C9: variants seen among roughly 807,000 people sequenced by gnomAD.
C9 encodes the protein complement component C9.
In C9, 63 loss-of-function variants were observed where a neutral mutation model predicts 65.4. The ratio of observed to expected loss-of-function variants is 0.96; its 90% CI spans 0.79 to 1.19. The LOEUF (loss-of-function observed/expected upper bound fraction) is 1.19, where lower values mean the gene tolerates loss of function less well. Ranked by LOEUF, C9 falls within the 50% of genes most tolerant of loss-of-function variation. The probability of loss-of-function intolerance (pLI) is 0.00; values close to 1 mark genes in which losing one functional copy is unlikely to be tolerated. For missense variants in C9, 744 were observed against 670.1 expected (o/e 1.11, Z -1.22); for synonymous variants, 229 against 227.9 (o/e 1.00, Z -0.04).
intron 4 of C9, among the ~76,000 whole-genome samples, chr5:39,333,883 G>A (rs1327202630): frequency 1.3e-5 from 2 of 152,188 alleles, no homozygotes; most frequent in Non-Finnish European, 2.9e-5. Context: ...TGAGTTGCCG[G>A]GATTGCAGAC....
chr5:39,330,858 A>G (rs990589124), intron 5 of C9, among the ~76,000 whole-genome samples: 2 of 152,250 alleles, frequency 1.3e-5, no homozygotes, highest in Admixed American at 6.5e-5. Context: ...AGACTGATTT[A>G]TGATATTTTC....
In C9 at chr5:39,306,907, GTATT is replaced by G. The variant is rs1332580201; in HGVS notation, c.1241-119_1241-116del. ...TCCTTTTAGTAAAATACAGCCTAAT[GTATT>G]TATTAAATTTTAATTGTAAATATTG... On this transcript the variant is annotated intron_variant, in intron 8 of 10. Coordinates refer to ENST00000263408, the MANE Select transcript of C9 (RefSeq NM_001737.5). 3 of 678,136 alleles carry G rather than the reference GTATT, an allele frequency of 4.4e-6. No homozygotes were observed. The African/African-American group carries it at 5.5e-5, about 12-fold the overall frequency. 42.0% of individuals were successfully genotyped at this position (678,136 alleles called of 1,614,324 possible).
intron 4 of C9, among the ~76,000 whole-genome samples, chr5:39,334,193 A>G (rs1421348642): frequency 4.9e-5 from 7 of 142,266 alleles, no homozygotes; most frequent in African/African-American, 1.9e-4. Flanking sequence ...CCGCCATCCC[A>G]TCTAGGAAGT....
At chr5:39,352,841 T>TG (rs202166836) in intron 1 of C9, among the ~76,000 whole-genome samples, 7,119 of 148,622 alleles carry the variant, frequency 0.048, 267 homozygotes, top group African/African-American at 0.1. Flanking sequence ...TAAGTTTTTT[T>TG]TTTTTTTTTT....
chr5:39,356,260 A>G (rs1176987528), intron 1 of C9, among the ~76,000 whole-genome samples: 1 of 152,220 alleles, frequency 6.6e-6, no homozygotes, highest in African/African-American at 2.4e-5. Context: ...AGTTAGTAGA[A>G]AACTGGGTCT....
intron 9 of C9, among the ~76,000 whole-genome samples, chr5:39,299,031 G>T (rs1753236583): frequency 6.6e-6 from 1 of 151,802 alleles, no homozygotes; most frequent in Admixed American, 6.6e-5. Flanking sequence ...GAATTAAAGG[G>T]AACTTCCTCA....
chr5:39,309,200 A>ATT, intron 7 of C9, among the ~76,000 whole-genome samples: 1 of 152,134 alleles, frequency 6.6e-6, no homozygotes, highest in Non-Finnish European at 1.5e-5. Context: ...TTAAGGGTAA[A>ATT]CATCCCAGAC....
intron 7 of C9, among the ~76,000 whole-genome samples, chr5:39,309,362 G>A (rs1392635149): frequency 1.3e-5 from 2 of 151,994 alleles, no homozygotes; most frequent in Non-Finnish European, 2.9e-5. Context: ...ATGAAATGAG[G>A]TTAATCATGG....
At chr5:39,348,970 A>T (rs557657295) in intron 1 of C9, among the ~76,000 whole-genome samples, 1 of 137,560 alleles carries the variant, frequency 7.3e-6, no homozygotes, top group Non-Finnish European at 1.5e-5. Context: ...GGATTGAGCA[A>T]TGAGAACACT....
chr5:39,310,075 C>CT (rs1303105401), intron 7 of C9, among the ~76,000 whole-genome samples: 1 of 152,114 alleles, frequency 6.6e-6, no homozygotes, highest in Non-Finnish European at 1.5e-5. Flanking sequence ...TTACATTCCA[C>CT]TCCCCCCCGG....
intron 1 of C9, among the ~76,000 whole-genome samples, chr5:39,362,065 G>A (rs835222): frequency 0.41 from 62,701 of 152,042 alleles, 12,927 homozygotes; most frequent in Middle Eastern, 0.51. Flanking sequence ...ATGTATACCT[G>A]TTTAATGTTC....
rs1270285264 is a variant in C9, at chr5:39,311,359, C to G, written c.889G>C (p.Val297Leu). ...SSKKEKMFLH[V>L]KGEIHLGRFV... ...CTTCCCAGATGAATTTCTCCTTTCACATGCAGAAACATTTTTTCCTGTGTT... is the reference window on the plus strand; with the variant it reads ...CTTCCCAGATGAATTTCTCCTTTCAGATGCAGAAACATTTTTTCCTGTGTT... The change falls in exon 7 of 11, where the codon GTG (valine) becomes CTG (leucine). Residue 297 changes from valine (V) to leucine (L), a missense_variant. By Grantham distance (32) the Val-to-Leu change is conservative. Coordinates refer to ENST00000263408, the MANE Select transcript of C9 (RefSeq NM_001737.5). The G allele has an allele frequency of 6.2e-7, 1 of 1,612,128 alleles. No homozygotes were observed. Among genetic ancestry groups the G allele is most frequent in the African/African-American group, 1.3e-5 (1 of 74,886 alleles).
At chr5:39,349,944 C>T (rs1754291147) in intron 1 of C9, among the ~76,000 whole-genome samples, 1 of 152,018 alleles carries the variant, frequency 6.6e-6, no homozygotes, top group South Asian at 2.1e-4. Context: ...TATATTTTCA[C>T]CAGAACTTTG....
chr5:39,294,763 CAAA>C (rs925912411), intron 9 of C9, among the ~76,000 whole-genome samples: 3 of 151,494 alleles, frequency 2.0e-5, no homozygotes, highest in African/African-American at 7.3e-5. Flanking sequence ...ACACAACACA[CAAA>C]AAAACCCATA....
rs576186079 is a variant in C9, at chr5:39,316,881, T to C, written c.616-852A>G. ...TATACTCAGTATTGGGATTGCTGGATCAAATGGTATTTCTGCTTCTAGATC... is the reference window on the plus strand; with the variant it reads ...TATACTCAGTATTGGGATTGCTGGACCAAATGGTATTTCTGCTTCTAGATC... On this transcript the variant is annotated intron_variant, in intron 5 of 10. Transcript: ENST00000263408. Among the ~76,000 whole-genome samples, 7 of 152,344 alleles carry C rather than the reference T, an allele frequency of 4.6e-5. No homozygotes were observed. In the South Asian group the frequency reaches 1.2e-3, roughly 27 times the overall value.
intron 3 of C9, 107 bp from the exon 4 acceptor site, chr5:39,341,400 C>A: frequency 6.8e-7 from 1 of 1,468,092 alleles, no homozygotes. Context: ...ATCAGAAAAA[C>A]ACATTTGAGT....
At chr5:39,353,382 C>T (rs547668886) in intron 1 of C9, among the ~76,000 whole-genome samples, 4 of 152,278 alleles carry the variant, frequency 2.6e-5, no homozygotes, top group African/African-American at 9.6e-5. Context: ...TCTACATGGC[C>T]TATCCCTTTC....
intron 6 of C9, among the ~76,000 whole-genome samples, chr5:39,313,699 G>T (rs1753525698): frequency 6.6e-6 from 1 of 152,076 alleles, no homozygotes; most frequent in Non-Finnish European, 1.5e-5. Context: ...CAGGAAGTTT[G>T]GTATTTGATT....
At chr5:39,291,066 A>G (rs1045381599) in intron 9 of C9, among the ~76,000 whole-genome samples, 19 of 151,936 alleles carry the variant, frequency 1.3e-4, no homozygotes, top group Non-Finnish European at 4.4e-5. Context: ...AACTAGGCAC[A>G]CAAGGAAATA....
Sources: gnomAD v4.1 joint callset for allele counts (sites outside exome capture counted in the v4.1 genomes callset) on GRCh38, gnomAD v4.1.1 for gene constraint, MANE v1.5 for transcripts, NCBI Gene and HGNC (gene_info 2026-07-23, HGNC 2026-07-21) for gene names.